The following LYPLAL1 variants were observed in gnomAD, a reference collection of about 807,000 sequenced individuals.
The protein encoded by LYPLAL1 is lysophospholipase-like protein 1.
LYPLAL1 carries 23 observed loss-of-function variants against 19.7 expected under a neutral mutation model. The observed-to-expected ratio is 1.17, with a 90% CI of 0.84 to 1.65. LYPLAL1 has a LOEUF of 1.65. Among genes scored for constraint, LYPLAL1 ranks in the 40% most tolerant of loss-of-function variants. LYPLAL1 has a pLI of 0.00. For missense variants in LYPLAL1, 355 were observed against 279.4 expected (o/e 1.27, Z -1.93); for synonymous variants, 119 against 96.3 (o/e 1.24, Z -1.38).
At chr1:219,276,806 A>G in the LYPLAL1 span, among the ~76,000 whole-genome samples, 7 of 152,158 alleles carry the variant, frequency 4.6e-5, no homozygotes, top group African/African-American at 1.4e-4. Context: ...AATTCCCCCA[A>G]AGGACACATA....
the LYPLAL1 span, among the ~76,000 whole-genome samples, chr1:219,303,246 G>A: frequency 3.3e-5 from 5 of 152,060 alleles, no homozygotes; most frequent in African/African-American, 1.2e-4. Flanking sequence ...AATGTTCCAG[G>A]CACTGATCTA....
the LYPLAL1 span, among the ~76,000 whole-genome samples, chr1:219,238,206 C>T: frequency 1.1e-4 from 16 of 147,326 alleles, no homozygotes; most frequent in Admixed American, 5.5e-4. Flanking sequence ...GGCGCAATCT[C>T]GGCTCTCTGC....
chr1:219,391,835 T>C, the LYPLAL1 span, among the ~76,000 whole-genome samples: 1 of 152,202 alleles, frequency 6.6e-6, no homozygotes, highest in Non-Finnish European at 1.5e-5. Context: ...AAGTTTAAGA[T>C]CTCCCCAAAC....
intron 4 of LYPLAL1, 139 bp downstream of exon 4, chr1:219,210,786 A>T: frequency 1.4e-6 from 1 of 705,672 alleles, no homozygotes; most frequent in East Asian, 2.9e-5. Context: ...CCTGGAATTC[A>T]TGGCCAAATG....
the LYPLAL1 span, among the ~76,000 whole-genome samples, chr1:219,301,926 A>T: frequency 6.6e-6 from 1 of 152,066 alleles, no homozygotes; most frequent in African/African-American, 2.4e-5. Flanking sequence ...TTTGTTTTGA[A>T]TTTTTTAAAA....
the LYPLAL1 span, among the ~76,000 whole-genome samples, chr1:219,252,531 A>T: frequency 6.6e-6 from 1 of 152,096 alleles, no homozygotes; most frequent in African/African-American, 2.4e-5. Context: ...TTCTGTATCT[A>T]TTGAGATAAG....
At chr1:219,354,385 C>T in the LYPLAL1 span, among the ~76,000 whole-genome samples, 1 of 152,058 alleles carries the variant, frequency 6.6e-6, no homozygotes. Context: ...TTAGTAGAGA[C>T]GAGCTTCACC....
chr1:219,211,740 G>A lies in LYPLAL1; in HGVS notation c.*12G>A, dbSNP rs1659064946. ...AAAAACAAAAATGAATGAATCAAGAGTGATTTGTTAATGTAAGTGTAATGT... is the reference window on the plus strand; with the variant it reads ...AAAAACAAAAATGAATGAATCAAGAATGATTTGTTAATGTAAGTGTAATGT... On this transcript the variant is annotated 3_prime_UTR_variant, in exon 5 of 5. Coordinates refer to ENST00000366928, the MANE Select transcript of LYPLAL1 (RefSeq NM_138794.5). 1 of 1,549,732 alleles carries A rather than the reference G, an allele frequency of 6.5e-7. No homozygotes were observed. Among genetic ancestry groups the A allele is most frequent in the Non-Finnish European group, 8.8e-7 (1 of 1,134,158 alleles).
the LYPLAL1 span, among the ~76,000 whole-genome samples, chr1:219,301,627 C>T: frequency 2.0e-5 from 3 of 152,062 alleles, no homozygotes; most frequent in East Asian, 5.8e-4. Flanking sequence ...GCTTTTATTT[C>T]TAATTTATAA....
At chr1:219,260,384 A>T in the LYPLAL1 span, among the ~76,000 whole-genome samples, 38 of 151,978 alleles carry the variant, frequency 2.5e-4, no homozygotes, top group African/African-American at 8.7e-4. Flanking sequence ...ATACAGTGGA[A>T]TGGTTAAAAG....
At chr1:219,371,719 A>T in the LYPLAL1 span, among the ~76,000 whole-genome samples, 23 of 151,998 alleles carry the variant, frequency 1.5e-4, no homozygotes, top group Admixed American at 2.0e-4. Context: ...GCTGTAACCA[A>T]TCCAATTGTT....
the LYPLAL1 span, among the ~76,000 whole-genome samples, chr1:219,373,912 T>A: frequency 6.7e-6 from 1 of 149,540 alleles, no homozygotes; most frequent in African/African-American, 2.4e-5. Flanking sequence ...CCTTTGGAAT[T>A]CCTTTTGGAA....
chr1:219,318,965 C>A, the LYPLAL1 span, among the ~76,000 whole-genome samples: 52,207 of 152,076 alleles, frequency 0.34, 9,843 homozygotes, highest in East Asian at 0.81. Context: ...TCACTGACCC[C>A]TTGGGATTGC....
At position 219,193,249 on chromosome 1, in the gene LYPLAL1, T is replaced by C; in HGVS notation, c.359T>C (p.Ile120Thr). 6.2e-7 allele frequency: 1 copy of C among 1,607,274 alleles called. No homozygotes were observed. The highest frequency in any genetic ancestry group is 8.5e-7 in the Non-Finnish European group (1 of 1,175,756). ...KSGIKKNRILIGGFSMGGCMA... is the reference protein window; with the variant it reads ...KSGIKKNRILTGGFSMGGCMA... ...GGCATCAAGAAGAACAGGATATTAA[T>C]AGGTAAGACCTTTAAATGTTGGTAA... Residue 120 changes from isoleucine to threonine, a missense_variant and splice_region_variant, in exon 3 of 5, where the codon ATA (isoleucine) becomes ACA (threonine). Ile to Thr is a moderately conservative substitution (Grantham distance 89). Transcript: ENST00000366928.
chr1:219,241,875 G>A, the LYPLAL1 span, among the ~76,000 whole-genome samples: 2 of 152,156 alleles, frequency 1.3e-5, no homozygotes, highest in African/African-American at 2.4e-5. Flanking sequence ...GATGTTAACT[G>A]GAGTGAAGGT....
the LYPLAL1 span, among the ~76,000 whole-genome samples, chr1:219,307,286 C>T: frequency 1.2e-4 from 19 of 152,172 alleles, no homozygotes; most frequent in African/African-American, 3.9e-4. Context: ...TGGCTTATAA[C>T]GATCTCCCAC....
chr1:219,252,517 C>A, the LYPLAL1 span, among the ~76,000 whole-genome samples: 1 of 151,894 alleles, frequency 6.6e-6, no homozygotes, highest in Non-Finnish European at 1.5e-5. Flanking sequence ...TAGCAAAAGC[C>A]TTTTTCTGTA....
At chr1:219,405,069 C>A in the LYPLAL1 span, among the ~76,000 whole-genome samples, 2 of 152,138 alleles carry the variant, frequency 1.3e-5, no homozygotes, top group African/African-American at 4.8e-5. Context: ...TTTCTAAGCA[C>A]CTAGCTGTAT....
At chr1:219,208,417 G>C (rs543040228) in intron 3 of LYPLAL1, among the ~76,000 whole-genome samples, 41 of 152,092 alleles carry the variant, frequency 2.7e-4, no homozygotes, top group African/African-American at 9.4e-4. Flanking sequence ...GGCAGGACTA[G>C]AACTAGTTTC....
Sources: allele counts gnomAD v4.1 joint callset (sites outside exome capture counted in the v4.1 genomes callset), GRCh38; gene constraint gnomAD v4.1.1; transcripts MANE v1.5; gene names NCBI Gene and HGNC (gene_info 2026-07-23, HGNC 2026-07-21).